ADGRB3: variants seen among roughly 807,000 people sequenced by gnomAD.
ADGRB3 encodes adhesion G protein-coupled receptor B3.
Under a neutral mutation model 193.4 loss-of-function variants are expected in ADGRB3, and 37 were observed. The observed-to-expected ratio is 0.19, with a 90% confidence interval of 0.15 to 0.25. The LOEUF (loss-of-function observed/expected upper bound fraction) is 0.25. Ranked by LOEUF, ADGRB3 falls within the 10% of genes least tolerant of loss-of-function variation. ADGRB3 has a pLI of 1.00. For missense variants in ADGRB3, 1,637 were observed against 1,852.9 expected (o/e 0.88, Z 2.14); for synonymous variants, 690 against 644.2 (o/e 1.07, Z -1.08).
chr6:68,979,521 A>G (rs1470990169), intron 10 of ADGRB3, among the ~76,000 whole-genome samples: 1 of 151,612 alleles, frequency 6.6e-6, no homozygotes, highest in African/African-American at 2.4e-5. Flanking sequence ...AAATACACTT[A>G]TCCAATTAAA....
At chr6:69,097,830 TTA>T (rs1262305699) in intron 17 of ADGRB3, among the ~76,000 whole-genome samples, 2 of 152,064 alleles carry the variant, frequency 1.3e-5, no homozygotes, top group Non-Finnish European at 2.9e-5. Flanking sequence ...AGCTGGAAAA[TTA>T]TAGTCTTCCT....
intron 10 of ADGRB3, among the ~76,000 whole-genome samples, chr6:68,988,504 A>G (rs1354467595): frequency 7.9e-5 from 12 of 152,280 alleles, no homozygotes; most frequent in Non-Finnish European, 1.5e-4. Flanking sequence ...GGGTGAACCA[A>G]GCTGACCATT....
chr6:68,788,005 C>T (rs1165936674), intron 3 of ADGRB3, among the ~76,000 whole-genome samples: 1 of 152,090 alleles, frequency 6.6e-6, no homozygotes, highest in Non-Finnish European at 1.5e-5. Flanking sequence ...GTGATATCCC[C>T]TTTATCATTT....
At chr6:68,658,159 T>A (rs1768534910) in intron 3 of ADGRB3, among the ~76,000 whole-genome samples, 1 of 151,314 alleles carries the variant, frequency 6.6e-6, no homozygotes, top group African/African-American at 2.4e-5. Context: ...ACTTTTGTTT[T>A]CTGGATGAAA....
intron 13 of ADGRB3, among the ~76,000 whole-genome samples, chr6:69,022,558 ACT>A (rs1465836410): frequency 6.6e-5 from 10 of 151,518 alleles, no homozygotes; most frequent in Admixed American, 3.3e-4. Flanking sequence ...CCTTCCAGAA[ACT>A]CTAATTGCCA....
At chr6:69,330,603 CT>C in intron 23 of ADGRB3, 31 bp downstream of exon 23, 2 of 1,510,732 alleles carry the variant, frequency 1.3e-6, no homozygotes, top group South Asian at 1.3e-5. Context: ...ATTTTGTTTT[CT>C]TAGGAAAAAA....
intron 10 of ADGRB3, among the ~76,000 whole-genome samples, chr6:68,978,868 A>G (rs1346625696): frequency 2.0e-5 from 3 of 151,424 alleles, no homozygotes; most frequent in African/African-American, 7.2e-5. Flanking sequence ...TACTGTAGAA[A>G]AATATTTAAA....
chr6:68,782,891 T>C (rs1001521401), intron 3 of ADGRB3, among the ~76,000 whole-genome samples: 2 of 151,980 alleles, frequency 1.3e-5, no homozygotes, highest in Non-Finnish European at 2.9e-5. Flanking sequence ...GTCAGATGAG[T>C]AAGTATACTC....
At chr6:69,347,215 G>A (rs1769115164) in intron 26 of ADGRB3, among the ~76,000 whole-genome samples, 1 of 152,088 alleles carries the variant, frequency 6.6e-6, no homozygotes, top group Admixed American at 6.5e-5. Flanking sequence ...CGGGAGGTGG[G>A]GGCCTAGGGG....
intron 20 of ADGRB3, among the ~76,000 whole-genome samples, chr6:69,322,601 A>T (rs1768483226): frequency 6.6e-6 from 1 of 151,808 alleles, no homozygotes. Flanking sequence ...ATTTCTCTTA[A>T]TGGTCAGTGA....
At chr6:69,349,577 GAA>G (rs1415820189) in intron 26 of ADGRB3, among the ~76,000 whole-genome samples, 3 of 152,038 alleles carry the variant, frequency 2.0e-5, no homozygotes, top group Non-Finnish European at 4.4e-5. Context: ...ATATGAAATT[GAA>G]AAGTCTTTCA....
rs1466152477 is a variant in ADGRB3, at chr6:69,316,697, C to A, written c.2815-8175C>A. ...TGGAAATTAGGAGGTCATGGGTGAT[C>A]CCTGTGGGATAAAAGCTTAGGGGAG... On this transcript the variant is annotated intron_variant, in intron 20 of 31. Coordinates refer to ENST00000370598, the MANE Select transcript of ADGRB3 (RefSeq NM_001704.3). Among the ~76,000 whole-genome samples, 3 of 151,474 alleles carry A rather than the reference C, an allele frequency of 2.0e-5. No individual in the cohort carries two copies. The East Asian group carries it at 5.8e-4, about 30-fold the overall frequency.
At chr6:68,707,186 T>A (rs777724146) in intron 3 of ADGRB3, among the ~76,000 whole-genome samples, 7 of 152,196 alleles carry the variant, frequency 4.6e-5, no homozygotes, top group Non-Finnish European at 7.3e-5. Flanking sequence ...CAAAACAGAT[T>A]TAAAAGTCAT....
intron 30 of ADGRB3, among the ~76,000 whole-genome samples, chr6:69,373,126 T>A (rs1769740811): frequency 6.6e-6 from 1 of 152,016 alleles, no homozygotes; most frequent in Admixed American, 6.6e-5. Flanking sequence ...AAGCACCACA[T>A]AAAATGTACT....
At chr6:69,376,780 A>T (rs1769833291) in intron 30 of ADGRB3, among the ~76,000 whole-genome samples, 1 of 152,076 alleles carries the variant, frequency 6.6e-6, no homozygotes, top group Non-Finnish European at 1.5e-5. Context: ...CCATTAGGCA[A>T]TCTGGGTACT....
At chr6:69,031,853 G>T (rs1236156911) in intron 13 of ADGRB3, among the ~76,000 whole-genome samples, 1 of 151,658 alleles carries the variant, frequency 6.6e-6, no homozygotes, top group African/African-American at 2.4e-5. Flanking sequence ...GGTTAGTCTC[G>T]AACTCCTGGA....
In ADGRB3 at chr6:69,015,962, C is replaced by T. The variant is rs748696969; in HGVS notation, c.1998+1856C>T. ...TAGTCATGTATTATGTTTGATATTTCGTCATTACATTGAAAATTCATATGT... is the reference window on the plus strand; with the variant it reads ...TAGTCATGTATTATGTTTGATATTTTGTCATTACATTGAAAATTCATATGT... On this transcript the variant is annotated intron_variant, in intron 12 of 31. Transcript: ENST00000370598. 5.9e-5 allele frequency among the ~76,000 whole-genome samples: 9 copies of T among 151,884 alleles called. No individual in the cohort carries two copies. The South Asian group carries it at 1.0e-3, about 18-fold the overall frequency.
At chr6:69,232,036 G>A (rs771921589) in intron 17 of ADGRB3, among the ~76,000 whole-genome samples, 8 of 152,170 alleles carry the variant, frequency 5.3e-5, no homozygotes, top group Non-Finnish European at 1.2e-4. Flanking sequence ...AGAGATGGAG[G>A]AAGCAAAATC....
At chr6:69,008,726 A>G (rs945224648) in intron 11 of ADGRB3, among the ~76,000 whole-genome samples, 3 of 152,106 alleles carry the variant, frequency 2.0e-5, no homozygotes, top group African/African-American at 7.2e-5. Flanking sequence ...TTGTTGCTGC[A>G]TGTGAGTTTA....
Sources: gnomAD v4.1 joint callset for allele counts (sites outside exome capture counted in the v4.1 genomes callset) on GRCh38, gnomAD v4.1.1 for gene constraint, MANE v1.5 for transcripts, NCBI Gene and HGNC (gene_info 2026-07-23, HGNC 2026-07-21) for gene names.